The following PRKCA variants were observed in gnomAD, a reference collection of about 807,000 sequenced individuals.
PRKCA encodes protein kinase C alpha type.
Under a neutral mutation model 87.0 loss-of-function variants are expected in PRKCA, and 27 were observed. The observed-to-expected ratio is 0.31, with a 90% CI of 0.23 to 0.43. The LOEUF is 0.43. Among genes scored for constraint, PRKCA ranks in the 20% least tolerant of loss-of-function variants. PRKCA has a pLI of 1.00. For synonymous variants in PRKCA, 329 were observed against 311.1 expected (o/e 1.06, Z -0.61); for missense variants, 518 against 852.3 (o/e 0.61, Z 4.88).
At chr17:66,347,090 C>T (rs2143396358) in intron 2 of PRKCA, among the ~76,000 whole-genome samples, 1 of 151,504 alleles carries the variant, frequency 6.6e-6, no homozygotes, top group South Asian at 2.1e-4. Context: ...ATTTTATCTA[C>T]TGATATTGGT....
chr17:66,765,418 C>CTATATATATATATATATATATATATATA (rs58356468), intron 13 of PRKCA, among the ~76,000 whole-genome samples: 1 of 49,304 alleles, frequency 2.0e-5, no homozygotes, highest in Non-Finnish European at 3.9e-5. Context: ...AAGACTTTGT[C>CTATATATATATATATATATATATATATA]TATATATATA....
At chr17:66,566,139 C>T (rs1237841863) in intron 3 of PRKCA, among the ~76,000 whole-genome samples, 3 of 152,148 alleles carry the variant, frequency 2.0e-5, no homozygotes, top group Non-Finnish European at 4.4e-5. Context: ...CCTCTCTCAG[C>T]ACCCTTGGGC....
intron 3 of PRKCA, chr17:66,554,419 G>A (rs879363346): frequency 3.7e-5 from 15 of 403,684 alleles, no homozygotes; most frequent in Non-Finnish European, 4.4e-5. Flanking sequence ...TACCAATCAC[G>A]CTATGACACG....
At chr17:66,794,777 T>C (rs35499077) in intron 16 of PRKCA, among the ~76,000 whole-genome samples, 83,423 of 151,862 alleles carry the variant, frequency 0.55, 26,212 homozygotes, top group African/African-American at 0.87. Flanking sequence ...CCTGCCACCA[T>C]GCCTGGCTAA....
intron 16 of PRKCA, among the ~76,000 whole-genome samples, chr17:66,794,673 T>C (rs551450952): frequency 3.4e-4 from 51 of 149,354 alleles, no homozygotes; most frequent in Non-Finnish European, 3.1e-4. Flanking sequence ...CAGGCTGGAG[T>C]GCAGTGGCGC....
chr17:66,521,399 G>C (rs1417924291), intron 3 of PRKCA, among the ~76,000 whole-genome samples: 2 of 152,170 alleles, frequency 1.3e-5, no homozygotes, highest in African/African-American at 2.4e-5. Context: ...TCCTATGTAA[G>C]GATAATGGTC....
chr17:66,366,550 G>T (rs1173969046), intron 2 of PRKCA, among the ~76,000 whole-genome samples: 3 of 152,144 alleles, frequency 2.0e-5, no homozygotes, highest in Admixed American at 6.5e-5. Flanking sequence ...CTGAATTGAG[G>T]AGATGAATTA....
At chr17:66,458,502 C>T (rs559586022) in intron 2 of PRKCA, among the ~76,000 whole-genome samples, 19 of 150,168 alleles carry the variant, frequency 1.3e-4, no homozygotes, top group East Asian at 3.9e-4. Context: ...TTTTTTGAGA[C>T]GGGGTTTCTA....
intron 5 of PRKCA, among the ~76,000 whole-genome samples, chr17:66,676,180 G>C (rs1972323217): frequency 6.6e-6 from 1 of 152,186 alleles, no homozygotes; most frequent in South Asian, 2.1e-4. Context: ...GCCCAAAGTA[G>C]AGACGCAAAC....
At chr17:66,655,094 C>T (rs1368658026) in intron 5 of PRKCA, among the ~76,000 whole-genome samples, 1 of 152,202 alleles carries the variant, frequency 6.6e-6, no homozygotes, top group African/African-American at 2.4e-5. Context: ...ATCCTTGGCA[C>T]AAGAAAACAG....
chr17:66,327,833 A>G (rs1437621337), intron 2 of PRKCA, among the ~76,000 whole-genome samples: 2 of 152,168 alleles, frequency 1.3e-5, no homozygotes, highest in Admixed American at 1.3e-4. Flanking sequence ...CTAAGCATTC[A>G]TCGTCATATC....
chr17:66,796,587 T>C lies in PRKCA; in HGVS notation c.1855-7286T>C, dbSNP rs555003429. The C allele has an allele frequency of 7.1e-6, 7 of 985,306 alleles. No homozygotes were observed. The South Asian group carries it at 2.4e-4, about 33-fold the overall frequency. 61.0% of individuals were successfully genotyped at this position (985,306 alleles called of 1,614,324 possible). On this transcript the variant is annotated intron_variant, in intron 16 of 16. Coordinates refer to ENST00000413366, the MANE Select transcript of PRKCA (RefSeq NM_002737.3). ...CGTGTGCCCCTGCTTGTGTTGGTCA[T>C]GCACGTAGCCCGTTCCCTGAGCATG...
chr17:66,487,149 A>AT (rs1916020432), intron 2 of PRKCA, among the ~76,000 whole-genome samples: 1 of 152,114 alleles, frequency 6.6e-6, no homozygotes, highest in African/African-American at 2.4e-5. Flanking sequence ...GTCTAACTGC[A>AT]TTTTTGAGCC....
At chr17:66,495,693 C>T (rs1916447879) in intron 2 of PRKCA, among the ~76,000 whole-genome samples, 2 of 151,890 alleles carry the variant, frequency 1.3e-5, no homozygotes, top group Non-Finnish European at 2.9e-5. Flanking sequence ...GCTGGGATTA[C>T]AGGCGCCCAT....
At chr17:66,709,025 T>C (rs1308730273) in intron 8 of PRKCA, among the ~76,000 whole-genome samples, 1 of 152,186 alleles carries the variant, frequency 6.6e-6, no homozygotes, top group Non-Finnish European at 1.5e-5. Flanking sequence ...GATGCAAAAC[T>C]CATGATTTGA....
At chr17:66,583,329 T>C (rs1428263269) in intron 3 of PRKCA, among the ~76,000 whole-genome samples, 1 of 152,178 alleles carries the variant, frequency 6.6e-6, no homozygotes, top group African/African-American at 2.4e-5. Flanking sequence ...TTTTAATAGC[T>C]GTAGACATCT....
intron 2 of PRKCA, among the ~76,000 whole-genome samples, chr17:66,471,675 A>G (rs1351245839): frequency 7.0e-6 from 1 of 143,876 alleles, no homozygotes; most frequent in Admixed American, 7.0e-5. Context: ...CATCTGGGAT[A>G]TAAAGCAACA....
intron 3 of PRKCA, among the ~76,000 whole-genome samples, chr17:66,616,706 C>T (rs554479440): frequency 6.6e-6 from 1 of 152,308 alleles, no homozygotes; most frequent in South Asian, 2.1e-4. Flanking sequence ...GATTTGCTCT[C>T]AGCCATTGTC....
chr17:66,557,444 C>CAA (rs771806366), intron 3 of PRKCA, among the ~76,000 whole-genome samples: 2 of 106,888 alleles, frequency 1.9e-5, no homozygotes, highest in African/African-American at 7.0e-5. Context: ...GAAACCTGTG[C>CAA]AAAAAAAAAA....
Sources: gnomAD v4.1 joint callset for allele counts (sites outside exome capture counted in the v4.1 genomes callset) on GRCh38, gnomAD v4.1.1 for gene constraint, MANE v1.5 for transcripts, NCBI Gene and HGNC (gene_info 2026-07-23, HGNC 2026-07-21) for gene names.